Variants in TBC1D4 observed in about 807,000 individuals in gnomAD.
TBC1D4 encodes the protein TBC1 domain family member 4.
In TBC1D4, 121 loss-of-function variants were observed where a neutral mutation model predicts 142.5. The ratio of observed to expected loss-of-function variants is 0.85; its 90% CI spans 0.73 to 0.99. The LOEUF is 0.99. TBC1D4 is among the 50% of genes least tolerant of loss of function. The pLI is 0.00. For missense variants in TBC1D4, 1,475 were observed against 1,606.6 expected (o/e 0.92, Z 1.40); for synonymous variants, 630 against 628.2 (o/e 1.00, Z -0.04).
At chr13:75,329,277 A>C (rs1299909764) in intron 8 of TBC1D4, among the ~76,000 whole-genome samples, 3 of 152,112 alleles carry the variant, frequency 2.0e-5, no homozygotes, top group Non-Finnish European at 4.4e-5. Context: ...CATATCTTAT[A>C]TATTTTGTTT....
intron 14 of TBC1D4, 70 bp downstream of exon 14, chr13:75,309,872 G>A: frequency 2.0e-6 from 3 of 1,502,182 alleles, no homozygotes; most frequent in Non-Finnish European, 2.8e-6. Context: ...TGTATGGGGA[G>A]AGAAAGGTAG....
rs930477013 is a variant in TBC1D4 at position 75,336,930 on chromosome 13, GAT to G, written c.1720_1721del (p.Ile574LeufsTer6). 10 of 1,613,546 alleles carry G rather than the reference GAT, an allele frequency of 6.2e-6. No homozygotes were observed. The highest frequency in any genetic ancestry group is 8.5e-6 in the Non-Finnish European group (10 of 1,179,766). Reference protein sequence around the residue: ...KRSLTSSLENIFSRGANRMRG... With the variant: ...KRSLTSSLENXFSRGANRMRG... ...ATTGGTGCAATCTTACCCTTGAGAA[GAT>G]ATTTTCCAGGGAGCTAGTTAAGGAT... On this transcript the variant is annotated frameshift_variant, in exon 8 of 21. Transcript: ENST00000377636. LOFTEE classifies it high-confidence loss of function.
intron 1 of TBC1D4, among the ~76,000 whole-genome samples, chr13:75,480,031 C>CA (rs59073862): frequency 0.57 from 82,952 of 144,676 alleles, 25,030 homozygotes; most frequent in South Asian, 0.73. Flanking sequence ...GACTCCGTCT[C>CA]AAAAAAAAAA....
intron 1 of TBC1D4, among the ~76,000 whole-genome samples, chr13:75,389,210 G>A (rs1309441196): frequency 3.9e-5 from 6 of 152,168 alleles, no homozygotes; most frequent in African/African-American, 1.2e-4. Flanking sequence ...CTTAAAACAG[G>A]ACGGCACTCT....
chr13:75,314,477 T>C (rs1878086084), intron 12 of TBC1D4, among the ~76,000 whole-genome samples: 1 of 152,178 alleles, frequency 6.6e-6, no homozygotes, highest in African/African-American at 2.4e-5. Context: ...ATCTATTTTA[T>C]GGAAACATTA....
chr13:75,385,011 C>G (rs1211579054), intron 1 of TBC1D4, among the ~76,000 whole-genome samples: 1 of 152,160 alleles, frequency 6.6e-6, no homozygotes, highest in Non-Finnish European at 1.5e-5. Context: ...GGCACATCAG[C>G]AGATAATAAG....
At chr13:75,479,594 T>TG (rs1888750782) in intron 1 of TBC1D4, among the ~76,000 whole-genome samples, 1 of 151,570 alleles carries the variant, frequency 6.6e-6, no homozygotes, top group Admixed American at 6.6e-5. Context: ...CAGATGTCGC[T>TG]GGGGGGAAAT....
At chr13:75,457,749 GTTTC>G (rs1887797023) in intron 1 of TBC1D4, among the ~76,000 whole-genome samples, 1 of 152,164 alleles carries the variant, frequency 6.6e-6, no homozygotes, top group East Asian at 1.9e-4. Context: ...TAGAGATTTA[GTTTC>G]TATAAGTCTG....
rs187294807 is a variant in TBC1D4, at chr13:75,330,241, T to C, written c.1732-2415A>G. Among the ~76,000 whole-genome samples, 659 of 152,350 alleles carry C rather than the reference T, an allele frequency of 4.3e-3. 9 individuals are homozygous for C. Among genetic ancestry groups the C allele is most frequent in the African/African-American group, 0.015 (629 of 41,592 alleles). ...TAGCCTTCTCTTGAATTTTTCTTTTTACATCTACTATCAGAAAGTTTAAAC... is the reference window on the plus strand; with the variant it reads ...TAGCCTTCTCTTGAATTTTTCTTTTCACATCTACTATCAGAAAGTTTAAAC... On this transcript the variant is annotated intron_variant, in intron 8 of 20. Coordinates refer to ENST00000377636, the MANE Select transcript of TBC1D4 (RefSeq NM_014832.5).
chr13:75,295,861 T>C (rs1875862140), intron 17 of TBC1D4, among the ~76,000 whole-genome samples: 1 of 152,200 alleles, frequency 6.6e-6, no homozygotes, highest in Admixed American at 6.5e-5. Context: ...TGGCTTGATA[T>C]TTTGGTGTAA....
At chr13:75,333,098 C>T (rs1879892371) in intron 8 of TBC1D4, among the ~76,000 whole-genome samples, 1 of 152,116 alleles carries the variant, frequency 6.6e-6, no homozygotes, top group South Asian at 2.1e-4. Flanking sequence ...CACTCATTTG[C>T]CTCTTTAAAG....
At chr13:75,363,101 T>TA (rs922474722) in intron 1 of TBC1D4, among the ~76,000 whole-genome samples, 1 of 152,086 alleles carries the variant, frequency 6.6e-6, no homozygotes, top group Non-Finnish European at 1.5e-5. Context: ...ATGGCTAAGA[T>TA]AAAAAGAAGA....
At chr13:75,401,010 G>C (rs974658687) in intron 1 of TBC1D4, among the ~76,000 whole-genome samples, 2 of 152,166 alleles carry the variant, frequency 1.3e-5, no homozygotes, top group Non-Finnish European at 2.9e-5. Context: ...CCCTGGACAA[G>C]TCACTCTAAA....
At position 75,291,547 on chromosome 13, in the gene TBC1D4, A is replaced by G. The variant is rs1186413309; in HGVS notation, c.3486+555T>C. Among the ~76,000 whole-genome samples, 3 of 152,142 alleles carry G rather than the reference A, an allele frequency of 2.0e-5. No individual in the cohort carries two copies. The East Asian group carries it at 5.8e-4, about 29-fold the overall frequency. Reference sequence around the variant, plus strand: ...GAGAATGTTTCCTGTAGGGACAAAGACTGATACACCAAGTCTCCTCACTGA... The same window carrying G: ...GAGAATGTTTCCTGTAGGGACAAAGGCTGATACACCAAGTCTCCTCACTGA... On this transcript the variant is annotated intron_variant, in intron 19 of 20. Coordinates refer to ENST00000377636, the MANE Select transcript of TBC1D4 (RefSeq NM_014832.5).
intron 1 of TBC1D4, among the ~76,000 whole-genome samples, chr13:75,435,424 C>G (rs1335021085): frequency 6.6e-6 from 1 of 151,354 alleles, no homozygotes; most frequent in Non-Finnish European, 1.5e-5. Flanking sequence ...ATGATTCAGT[C>G]ATGATAACTT....
chr13:75,354,752 G>C (rs529600910), intron 4 of TBC1D4, among the ~76,000 whole-genome samples: 1 of 152,174 alleles, frequency 6.6e-6, no homozygotes, highest in South Asian at 2.1e-4. Flanking sequence ...CTACCAAACT[G>C]TTACTTGGTT....
At chr13:75,325,171 A>G (rs776877538) in intron 10 of TBC1D4, among the ~76,000 whole-genome samples, 1 of 152,194 alleles carries the variant, frequency 6.6e-6, no homozygotes, top group African/African-American at 2.4e-5. Flanking sequence ...ATATATATGA[A>G]GTGATCATTT....
intron 7 of TBC1D4, among the ~76,000 whole-genome samples, chr13:75,338,090 T>C (rs1566395838): frequency 2.0e-5 from 3 of 151,926 alleles, no homozygotes; most frequent in African/African-American, 7.3e-5. Context: ...TGTAATGTTT[T>C]AGGGAGAGTT....
intron 1 of TBC1D4, among the ~76,000 whole-genome samples, chr13:75,388,863 T>C (rs1884321759): frequency 6.6e-6 from 1 of 152,198 alleles, no homozygotes; most frequent in Admixed American, 6.5e-5. Flanking sequence ...GCATATAGGT[T>C]ATAATTAAAA....
Sources: gnomAD v4.1 joint callset for allele counts (sites outside exome capture counted in the v4.1 genomes callset) on GRCh38, gnomAD v4.1.1 for gene constraint, MANE v1.5 for transcripts, NCBI Gene and HGNC (gene_info 2026-07-23, HGNC 2026-07-21) for gene names.